Variants in RNF175 observed in about 807,000 individuals in gnomAD.
The protein encoded by RNF175 is ring finger protein 175.
In RNF175, 38 loss-of-function variants were observed where a neutral mutation model predicts 50.0. That is an observed-to-expected ratio of 0.76 (90% confidence interval 0.59 to 1.00). The LOEUF (loss-of-function observed/expected upper bound fraction) is 1.00. RNF175 is among the 50% of genes least tolerant of loss of function. The pLI, the probability that RNF175 is intolerant of heterozygous loss-of-function variation, is 0.00. For synonymous variants in RNF175, 155 were observed against 146.1 expected (o/e 1.06, Z -0.44); for missense variants, 388 against 409.6 (o/e 0.95, Z 0.46).
chr4:153,735,560 T>C (rs372629106), intron 3 of RNF175, among the ~76,000 whole-genome samples: 1 of 152,218 alleles, frequency 6.6e-6, no homozygotes, highest in East Asian at 1.9e-4. Flanking sequence ...ATACACAAAG[T>C]ACCTTGCTGA....
chr4:153,755,574 T>A (rs1457781517), intron 1 of RNF175, among the ~76,000 whole-genome samples: 14 of 148,420 alleles, frequency 9.4e-5, no homozygotes, highest in Middle Eastern at 3.4e-3. Context: ...AGAAAGAATT[T>A]AAAAAAAAAA....
In RNF175 at chr4:153,759,777, C is replaced by T. The variant is rs1159206127; in HGVS notation, c.66+20G>A. The T allele has an allele frequency of 2.7e-6, 4 of 1,463,826 alleles. No individual in the cohort carries two copies. The highest frequency in any genetic ancestry group is 3.6e-6 in the Non-Finnish European group (4 of 1,110,410). 90.7% of individuals were successfully genotyped at this position (1,463,826 alleles called of 1,614,324 possible). A position where few individuals can be genotyped will look rare whatever the true frequency, so the allele number is the denominator to read the frequency against. On this transcript the variant is annotated intron_variant, in intron 1 of 8. Coordinates refer to ENST00000347063, the MANE Select transcript of RNF175 (RefSeq NM_173662.4). ...GACCCCGGCCTGGCGTCCCCCACGCCCGCGCCCCCGCGCCAGTACCTGCTC... is the reference window on the plus strand; with the variant it reads ...GACCCCGGCCTGGCGTCCCCCACGCTCGCGCCCCCGCGCCAGTACCTGCTC...
At position 153,748,719 on chromosome 4, in the gene RNF175, T is replaced by A. The variant is rs1469377214; in HGVS notation, c.172A>T (p.Ile58Phe). ...GCAATGACCAGAACGCAGAGGAAGA[T>A]CAAGATCATTTCCACGTGCATGGAA... is the stretch of plus-strand genomic sequence containing the variant. ...HDSMHVEMIL[I>F]FLCVLVIAQI... The change falls in exon 3 of 9, where the codon ATC becomes TTC. Residue 58 changes from isoleucine to phenylalanine, a missense_variant. Coordinates refer to ENST00000347063, the MANE Select transcript of RNF175 (RefSeq NM_173662.4). 6.2e-7 allele frequency: 1 copy of A among 1,610,604 alleles called. No individual in the cohort carries two copies. The highest frequency in any genetic ancestry group is 8.5e-7 in the Non-Finnish European group (1 of 1,178,552).
At chr4:153,739,625 T>G (rs986831913) in intron 3 of RNF175, among the ~76,000 whole-genome samples, 2 of 152,192 alleles carry the variant, frequency 1.3e-5, no homozygotes, top group Admixed American at 1.3e-4. Flanking sequence ...GATAAAGTCT[T>G]TATTTCTCTT....
At chr4:153,751,547 T>C in intron 1 of RNF175, 72 bp from the exon 2 acceptor site, 1 of 1,034,098 alleles carries the variant, frequency 9.7e-7, no homozygotes, top group Non-Finnish European at 1.4e-6. Context: ...AAGCAATATA[T>C]GGGAAACCCA....
At position 153,759,939 on chromosome 4, in the gene RNF175, G is replaced by T; in HGVS notation, c.-77C>A. 2.3e-6 allele frequency: 2 copies of T among 888,002 alleles called. No individual in the cohort carries two copies. Among genetic ancestry groups the T allele is most frequent in the Non-Finnish European group, 1.5e-6 (1 of 658,592 alleles). The allele number at this position is 888,002 out of a possible 1,614,324, so 55.0% of individuals were successfully genotyped here. On this transcript the variant is annotated 5_prime_UTR_variant, in exon 1 of 9. Coordinates refer to ENST00000347063, the MANE Select transcript of RNF175 (RefSeq NM_173662.4). ...CGCAGAGTCCGCAGAAGGAGGCGCCGCGGGGCCTCGGGAGCCGAGGGTGAG... is the reference window on the plus strand; with the variant it reads ...CGCAGAGTCCGCAGAAGGAGGCGCCTCGGGGCCTCGGGAGCCGAGGGTGAG...
intron 3 of RNF175, among the ~76,000 whole-genome samples, chr4:153,742,954 A>C (rs1156633141): frequency 2.0e-5 from 3 of 152,116 alleles, no homozygotes; most frequent in Non-Finnish European, 4.4e-5. Context: ...TGAATCTTAT[A>C]AACATGTTCA....
chr4:153,733,592 C>T (rs1739167852), intron 3 of RNF175, among the ~76,000 whole-genome samples: 1 of 152,132 alleles, frequency 6.6e-6, no homozygotes, highest in Non-Finnish European at 1.5e-5. Flanking sequence ...TGCTCATTTC[C>T]AAAGTTACTT....
chr4:153,725,368 G>T (rs1292090065), intron 4 of RNF175, among the ~76,000 whole-genome samples: 3 of 152,138 alleles, frequency 2.0e-5, no homozygotes, highest in African/African-American at 7.2e-5. Flanking sequence ...AGTGGTGATG[G>T]TGGAGAAACA....
intron 1 of RNF175, among the ~76,000 whole-genome samples, chr4:153,757,585 C>T (rs1370723187): frequency 1.3e-5 from 2 of 152,110 alleles, no homozygotes; most frequent in African/African-American, 4.8e-5. Context: ...ATTCATGTCA[C>T]AAGGCAAGGC....
chr4:153,746,047 C>T (rs1739951803), intron 3 of RNF175, among the ~76,000 whole-genome samples: 1 of 152,206 alleles, frequency 6.6e-6, no homozygotes, highest in South Asian at 2.1e-4. Context: ...TGGTAAAAGT[C>T]CAGTGTCTCA....
chr4:153,748,241 T>C (rs545585031), intron 3 of RNF175, among the ~76,000 whole-genome samples: 2 of 152,334 alleles, frequency 1.3e-5, no homozygotes, highest in African/African-American at 2.4e-5. Flanking sequence ...ATCCTCCTTT[T>C]CCTGGACTGT....
chr4:153,735,858 A>G (rs548190647), intron 3 of RNF175, among the ~76,000 whole-genome samples: 4 of 152,328 alleles, frequency 2.6e-5, no homozygotes, highest in African/African-American at 9.6e-5. Context: ...CAACCTTGCT[A>G]TAATCACTTA....
At chr4:153,738,035 A>G (rs1308986510) in intron 3 of RNF175, among the ~76,000 whole-genome samples, 1 of 152,096 alleles carries the variant, frequency 6.6e-6, no homozygotes, top group Non-Finnish European at 1.5e-5. Context: ...CCCCTTTATC[A>G]TTATGTAATG....
chr4:153,753,938 AG>A (rs1740426899), intron 1 of RNF175, among the ~76,000 whole-genome samples: 1 of 150,608 alleles, frequency 6.6e-6, no homozygotes, highest in African/African-American at 2.4e-5. Flanking sequence ...TGGGAGGCCG[AG>A]GCGGGCGTAT....
intron 6 of RNF175, 114 bp downstream of exon 6, chr4:153,720,070 T>G: frequency 9.5e-7 from 1 of 1,049,864 alleles, no homozygotes; most frequent in South Asian, 2.1e-5. Flanking sequence ...AAGGAAACAA[T>G]AATCAGTATA....
chr4:153,712,394 A>T, intron 8 of RNF175, 81 bp downstream of exon 8: 4 of 960,030 alleles, frequency 4.2e-6, no homozygotes, highest in Non-Finnish European at 6.4e-6. Context: ...CTATACAAAA[A>T]CACTGAAACT....
At chr4:153,716,986 C>A (rs901526382) in intron 6 of RNF175, among the ~76,000 whole-genome samples, 8 of 152,232 alleles carry the variant, frequency 5.3e-5, no homozygotes, top group African/African-American at 1.9e-4. Flanking sequence ...ATAGCCTAGG[C>A]AAACTGACTC....
intron 5 of RNF175, among the ~76,000 whole-genome samples, chr4:153,722,693 G>A (rs115713918): frequency 1.3e-3 from 199 of 151,942 alleles, no homozygotes; most frequent in African/African-American, 4.7e-3. Context: ...CCAAATTCAA[G>A]AGAGAAGTGC....
Sources: allele counts gnomAD v4.1 joint callset (sites outside exome capture counted in the v4.1 genomes callset), GRCh38; gene constraint gnomAD v4.1.1; transcripts MANE v1.5; gene names NCBI Gene and HGNC (gene_info 2026-07-23, HGNC 2026-07-21).